NBPF15: variants seen among roughly 807,000 people sequenced by gnomAD.
NBPF15 encodes the protein NBPF member 15, also known as NBPF family member NBPF15.
NBPF15 carries 74 observed loss-of-function variants against 62.2 expected under a neutral mutation model. The ratio of observed to expected loss-of-function variants is 1.19; its 90% confidence interval spans 0.99 to 1.44. The LOEUF is 1.44. NBPF15 is among the 40% of genes most tolerant of loss of function. The pLI, the probability that NBPF15 is intolerant of heterozygous loss-of-function variation, is 0.00. For synonymous variants in NBPF15, 244 were observed against 209.7 expected (o/e 1.16, Z -1.41); for missense variants, 790 against 550.0 (o/e 1.44, Z -4.36).
intron 6 of NBPF15, among the ~76,000 whole-genome samples, chr1:144,447,724 T>A (rs1452597311): frequency 6.6e-6 from 1 of 152,074 alleles, no homozygotes; most frequent in Non-Finnish European, 1.5e-5. Context: ...CGTAAAGCAC[T>A]CAACCAGGAG....
chr1:144,423,270 C>T lies in NBPF15; in HGVS notation c.1770-14G>A, dbSNP rs587673920. ...ACGCCGTAGAGCCTGGAAAAGGAGA[C>T]AAAACTAAAGAAGCAGCCAGGGAAA... On this transcript the variant is annotated splice_polypyrimidine_tract_variant and intron_variant, in intron 21 of 21. Transcript: ENST00000581897. The T allele has an allele frequency of 1.9e-6, 3 of 1,610,570 alleles. No individual in the cohort carries two copies. The highest frequency in any genetic ancestry group is 1.7e-6 in the Non-Finnish European group (2 of 1,179,432).
chr1:144,425,637 T>C (rs1402607421), intron 18 of NBPF15, 69 bp from the exon 19 acceptor site: 6 of 560,742 alleles, frequency 1.1e-5, no homozygotes, highest in Admixed American at 3.3e-5. Flanking sequence ...GTCCACTGTC[T>C]AATCCCCACA....
At chr1:144,449,524 AAAC>A (rs1689773755) in intron 5 of NBPF15, among the ~76,000 whole-genome samples, 2 of 151,820 alleles carry the variant, frequency 1.3e-5, no homozygotes, top group South Asian at 2.1e-4. Context: ...TTGACACACA[AAAC>A]AACATGGATG....
rs1399430404 is a variant in NBPF15 at position 144,435,147 on chromosome 1, G to C, written c.736C>G (p.His246Asp). The change falls in exon 12 of 22, where the codon CAT becomes GAT. Residue 246 changes from histidine (H) to aspartate (D), a missense_variant. Coordinates refer to ENST00000581897, the MANE Select transcript of NBPF15 (RefSeq NM_001385408.1). ...VDSTLIGSSS[H>D]VEWEDAVHII... is the part of the protein sequence containing the mutation. ...TGTACAGCATCCTCCCATTCAACAT[G>C]AGAGGATGAGCCAATGAGAGTTGAG... 1 of 1,612,832 alleles carries C rather than the reference G, an allele frequency of 6.2e-7. No individual in the cohort carries two copies. The highest frequency in any genetic ancestry group is 8.5e-7 in the Non-Finnish European group (1 of 1,179,784).
chr1:144,438,626 G>T (rs1157298772), intron 8 of NBPF15, among the ~76,000 whole-genome samples: 1 of 152,020 alleles, frequency 6.6e-6, no homozygotes, highest in African/African-American at 2.4e-5. Context: ...TAAAGTTTGT[G>T]TTAATTTAGA....
chr1:144,460,026 CTTTTT>C (rs150839897), intron 2 of NBPF15, among the ~76,000 whole-genome samples: 2 of 19,552 alleles, frequency 1.0e-4, no homozygotes, highest in African/African-American at 4.4e-4. Context: ...ATTACCTGTA[CTTTTT>C]TTTTTTTTTT....
chr1:144,426,957 A>G, intron 17 of NBPF15, 90 bp downstream of exon 17: 1 of 653,058 alleles, frequency 1.5e-6, no homozygotes, highest in Non-Finnish European at 2.7e-6. Flanking sequence ...TTCGTTGAAA[A>G]CATGAAATTG....
chr1:144,432,697 C>G (rs1227025429), intron 13 of NBPF15, among the ~76,000 whole-genome samples: 1 of 151,876 alleles, frequency 6.6e-6, no homozygotes, highest in Non-Finnish European at 1.5e-5. Context: ...CAACAAAGAT[C>G]AAAAGAGACA....
chr1:144,424,312 G>A, intron 20 of NBPF15, among the ~76,000 whole-genome samples: 1 of 151,534 alleles, frequency 6.6e-6, no homozygotes, highest in East Asian at 2.0e-4. Context: ...ATTTAGCCCT[G>A]TCTCATCAAA....
rs1351193695 is a variant in NBPF15 at position 144,455,610 on chromosome 1, A to G, written c.-432+927T>C. ...CCTGCTGCTCCTTGTCCACTCCAGA[A>G]GCTTCCCAGCTGCAGGTGGGGGCCT... On this transcript the variant is annotated intron_variant, in intron 4 of 21. Transcript: ENST00000581897. Among the ~76,000 whole-genome samples the G allele has an allele frequency of 2.6e-5, 4 of 151,988 alleles. 1 individual carries two copies. Among genetic ancestry groups the G allele is most frequent in the Non-Finnish European group, 5.9e-5 (4 of 67,990 alleles).
At chr1:144,435,059 T>C (rs1553540783) in intron 12 of NBPF15, 52 bp downstream of exon 12, 2 of 1,611,572 alleles carry the variant, frequency 1.2e-6, no homozygotes, top group Non-Finnish European at 1.7e-6. Context: ...CTTCAGAGTT[T>C]ATCTTCCTCA....
chr1:144,427,035 G>C lies in NBPF15; in HGVS notation c.1265+12C>G. ...AACACACAATTAAGCATCCATAATT[G>C]CTCAAAGTTACCTGGGGCATGATGG... On this transcript the variant is annotated intron_variant, in intron 17 of 21. Transcript: ENST00000581897. 1 of 755,592 alleles carries C rather than the reference G, an allele frequency of 1.3e-6. No homozygotes were observed. The highest frequency in any genetic ancestry group is 1.4e-5 in the South Asian group (1 of 73,452). 46.8% of individuals were successfully genotyped at this position (755,592 alleles called of 1,614,324 possible).
In NBPF15 at chr1:144,427,821, C is replaced by A. The variant is rs1255142598; in HGVS notation, c.1210G>T (p.Asp404Tyr). 1 of 725,150 alleles carries A rather than the reference C, an allele frequency of 1.4e-6. No individual in the cohort carries two copies. The highest frequency in any genetic ancestry group is 2.5e-6 in the Non-Finnish European group (1 of 396,302). The allele number at this position is 725,150 out of a possible 1,614,324, so 44.9% of individuals were successfully genotyped here. A position where few individuals can be genotyped will look rare whatever the true frequency, so the allele number is the denominator to read the frequency against. Residue 404 changes from aspartate (D) to tyrosine (Y), a missense_variant, in exon 16 of 22, where the codon GAT becomes TAT. Physicochemically the swap from Asp to Tyr is radical, Grantham distance 160. Transcript: ENST00000581897. ...QQRVGLAIDM[D>Y]EIEKYQEVEE... ...ACCTTCATAGAAAGGTACTCACCATCCATGTCAATAGCCAAGCCAACACGC... is the reference window on the plus strand; with the variant it reads ...ACCTTCATAGAAAGGTACTCACCATACATGTCAATAGCCAAGCCAACACGC...
intron 6 of NBPF15, among the ~76,000 whole-genome samples, chr1:144,441,758 A>G (rs1553542695): frequency 6.6e-6 from 1 of 151,540 alleles, no homozygotes; most frequent in Non-Finnish European, 1.5e-5. Flanking sequence ...TTCTAATTTA[A>G]CTTTCACATC....
intron 3 of NBPF15, among the ~76,000 whole-genome samples, chr1:144,457,639 A>T (rs1300459974): frequency 6.6e-6 from 1 of 151,986 alleles, no homozygotes; most frequent in African/African-American, 2.4e-5. Flanking sequence ...ACAGTGGTGA[A>T]TAAGAGACAA....
chr1:144,460,308 G>A (rs201319642), intron 2 of NBPF15, among the ~76,000 whole-genome samples: 1 of 116,358 alleles, frequency 8.6e-6, no homozygotes. Flanking sequence ...GTCCCAAAGT[G>A]CTGGGATTAC....
chr1:144,424,248 C>T (rs1427141528), intron 20 of NBPF15, among the ~76,000 whole-genome samples: 12 of 151,860 alleles, frequency 7.9e-5, no homozygotes, highest in African/African-American at 2.9e-4. Context: ...CCATATTTTT[C>T]CAATCAATTT....
intron 8 of NBPF15, among the ~76,000 whole-genome samples, chr1:144,439,455 G>T (rs1307815442): frequency 6.6e-6 from 1 of 151,908 alleles, no homozygotes; most frequent in East Asian, 1.9e-4. Flanking sequence ...CTGAAGAAAA[G>T]TTCACTAGTC....
chr1:144,454,392 CA>C (rs1368444300), intron 4 of NBPF15, among the ~76,000 whole-genome samples: 2 of 100,986 alleles, frequency 2.0e-5, no homozygotes, highest in Non-Finnish European at 3.7e-5. Context: ...AATGATGTAT[CA>C]ATAGTGGTTC....
Sources: gnomAD v4.1 joint callset for allele counts (sites outside exome capture counted in the v4.1 genomes callset) on GRCh38, gnomAD v4.1.1 for gene constraint, MANE v1.5 for transcripts, NCBI Gene and HGNC (gene_info 2026-07-23, HGNC 2026-07-21) for gene names.